The following CEP120 variants were observed in gnomAD, a reference collection of about 807,000 sequenced individuals.
CEP120 encodes the protein centrosomal protein 120.
Under a neutral mutation model 126.5 loss-of-function variants are expected in CEP120, and 113 were observed. The ratio of observed to expected loss-of-function variants is 0.89; its 90% confidence interval spans 0.77 to 1.04. CEP120 has a LOEUF of 1.04. CEP120 is among the 50% of genes least tolerant of loss of function. CEP120 has a pLI of 0.00. For missense variants in CEP120, 1,230 were observed against 1,155.7 expected, an observed-to-expected ratio of 1.06 and a Z score of -0.93; for synonymous variants, 400 against 394.3, an observed-to-expected ratio of 1.01 and a Z score of -0.17.
intron 18 of CEP120, among the ~76,000 whole-genome samples, chr5:123,352,607 G>A (rs1769266332): frequency 6.6e-6 from 1 of 151,928 alleles, no homozygotes; most frequent in African/African-American, 2.4e-5. Flanking sequence ...TTGTAACAAT[G>A]TCTCAATATA....
intron 17 of CEP120, among the ~76,000 whole-genome samples, chr5:123,368,674 G>A (rs1770640322): frequency 6.6e-6 from 1 of 151,834 alleles, no homozygotes; most frequent in Non-Finnish European, 1.5e-5. Flanking sequence ...GACATTCTGG[G>A]ATATCTTGAA....
intron 1 of CEP120, 48 bp downstream of exon 1, chr5:123,422,902 T>C: frequency 6.4e-7 from 1 of 1,572,462 alleles, no homozygotes. Flanking sequence ...ACTAAGCTTT[T>C]AAAACTCGGG....
chr5:123,398,330 C>T (rs1249438723), intron 5 of CEP120, among the ~76,000 whole-genome samples: 3 of 152,106 alleles, frequency 2.0e-5, no homozygotes, highest in African/African-American at 7.2e-5. Context: ...CTACCATGAG[C>T]CCTGAGCATC....
intron 16 of CEP120, among the ~76,000 whole-genome samples, chr5:123,374,365 G>C (rs1771058492): frequency 6.6e-6 from 1 of 152,094 alleles, no homozygotes; most frequent in African/African-American, 2.4e-5. Flanking sequence ...CATTAAAGCA[G>C]TCAATACTTC....
chr5:123,388,391 C>T, intron 9 of CEP120, 41 bp downstream of exon 9: 1 of 1,358,618 alleles, frequency 7.4e-7, no homozygotes, highest in South Asian at 1.7e-5. Flanking sequence ...AAAGTCCTTT[C>T]TCTTCAGAAA....
At chr5:123,352,090 T>G (rs1190223514) in intron 18 of CEP120, among the ~76,000 whole-genome samples, 1 of 152,134 alleles carries the variant, frequency 6.6e-6, no homozygotes, top group Non-Finnish European at 1.5e-5. Flanking sequence ...TTAATGACAT[T>G]TAGGTATCTT....
At chr5:123,423,614 C>T (rs1004079675), upstream of CEP120, 6 of 152,198 alleles carry the variant, frequency 3.9e-5, no homozygotes, top group African/African-American at 1.5e-4. Flanking sequence ...GCTGCGTAGC[C>T]TTTAAGGAGC....
intron 4 of CEP120, chr5:123,401,451 C>T (rs1368492594): frequency 3.1e-6 from 4 of 1,304,824 alleles, no homozygotes; most frequent in Non-Finnish European, 4.4e-6. Context: ...CGCAGGTTAT[C>T]CCCATGCTTC....
At position 123,407,784 on chromosome 5, in the gene CEP120, C is replaced by T. The variant is rs148757231; in HGVS notation, c.463+4615G>A. Among the ~76,000 whole-genome samples the T allele has an allele frequency of 1.5e-3, 234 of 152,256 alleles. 3 individuals are homozygous for T. The highest frequency in any genetic ancestry group is 5.2e-3 in the African/African-American group (215 of 41,566). ...AGAATACACATTCTTCTCAAGCTTA[C>T]GTAGAAAGTTCACCAAGACAGAGCA... On this transcript the variant is annotated intron_variant, in intron 4 of 19. Coordinates refer to ENST00000306467, the MANE Select transcript of CEP120 (RefSeq NM_001375405.1).
intron 8 of CEP120, 145 bp downstream of exon 8, chr5:123,389,779 C>G: frequency 1.5e-6 from 1 of 683,722 alleles, no homozygotes; most frequent in South Asian, 1.9e-5. Context: ...GGATTACAGG[C>G]GTGAGCCACC....
chr5:123,346,601 A>G lies in CEP120; in HGVS notation c.2879T>C (p.Val960Ala). The change falls in exon 20 of 20, where the codon GTG (valine) becomes GCG (alanine). Residue 960 changes from valine (V) to alanine (A), a missense_variant. Transcript: ENST00000306467. ...TATTATTCGATCCTCGTGATTATAC[A>G]CACCCGTTCTCATCAAAGTATCCCT... Reference protein sequence around the residue: ...EERDTLMRTGVYNHEDRIISE... With the variant: ...EERDTLMRTGAYNHEDRIISE... 1.2e-6 allele frequency: 2 copies of G among 1,613,944 alleles called. No homozygotes were observed. Among genetic ancestry groups the G allele is most frequent in the Non-Finnish European group, 1.7e-6 (2 of 1,179,950 alleles).
In CEP120 at chr5:123,393,280, C is replaced by T. The variant is rs1562059734; in HGVS notation, c.810+20G>A. ...TTAAAAGACCACCTCCAGCTAAAAA[C>T]GATTTGCTGCAATACTCACCTGCAG... On this transcript the variant is annotated intron_variant, in intron 6 of 19. Coordinates refer to ENST00000306467, the MANE Select transcript of CEP120 (RefSeq NM_001375405.1). The T allele has an allele frequency of 1.1e-5, 18 of 1,611,952 alleles. No homozygotes were observed. Among genetic ancestry groups the T allele is most frequent in the Admixed American group, 5.0e-5 (3 of 59,788 alleles).
At position 123,412,522 on chromosome 5, in the gene CEP120, A is replaced by G. The variant is rs199922403; in HGVS notation, c.340T>C (p.Leu114=). 1.9e-4 allele frequency: 307 copies of G among 1,602,256 alleles called. No individual in the cohort carries two copies. The highest frequency in any genetic ancestry group is 3.0e-4 in the Admixed American group (17 of 57,390). The change falls in exon 4 of 20, where the codon TTG becomes CTG. Residue 114 remains leucine, a synonymous_variant. Transcript: ENST00000306467. ...AATTTGGTGTATTTATTACTCAGCA[A>G]CTGGTACCATTTTGGTGCCTAGAGA... ...ETKQAPKWYQ[L]LSNKYTKFKS... is the part of the protein sequence containing the mutation.
intron 11 of CEP120, among the ~76,000 whole-genome samples, chr5:123,384,678 G>C (rs1461260332): frequency 6.6e-6 from 1 of 152,126 alleles, no homozygotes; most frequent in Non-Finnish European, 1.5e-5. Flanking sequence ...AAGCTAGAGA[G>C]AGGAAGGAAA....
At chr5:123,415,944 C>A in intron 3 of CEP120, 66 bp downstream of exon 3, 1 of 1,030,782 alleles carries the variant, frequency 9.7e-7, no homozygotes. Context: ...TTTCATCAAT[C>A]TGTTATCTAC....
In CEP120 at chr5:123,345,640, T is replaced by A. The variant is rs564029040; in HGVS notation, c.*879A>T. On this transcript the variant is annotated 3_prime_UTR_variant, in exon 20 of 20. Coordinates refer to ENST00000306467, the MANE Select transcript of CEP120 (RefSeq NM_001375405.1). ...GCATAAATCCAATGAGTGAATCTCG[T>A]GCGCTTTTGAAAACGATTGATTGAA... 6.6e-6 allele frequency: 1 copy of A among 152,156 alleles called. No homozygotes were observed. Among genetic ancestry groups the A allele is most frequent in the Non-Finnish European group, 1.5e-5 (1 of 68,026 alleles). The allele number at this position is 152,156 out of a possible 1,614,324, so 9.4% of individuals were successfully genotyped here. A position where few individuals can be genotyped will look rare whatever the true frequency, so the allele number is the denominator to read the frequency against.
chr5:123,388,575 C>A lies in CEP120; in HGVS notation c.1287G>T (p.Gln429His). 6.3e-7 allele frequency: 1 copy of A among 1,597,368 alleles called. No homozygotes were observed. The highest frequency in any genetic ancestry group is 8.5e-7 in the Non-Finnish European group (1 of 1,174,562). ...ASSSVPASLAQLVTTSNASEV... is the reference protein window; with the variant it reads ...ASSSVPASLAHLVTTSNASEV... Reference sequence around the variant, plus strand: ...CTGAAGCATTGGATGTAGTCACTAGCTGGGCCAGTGAAGCAGGTACAGAAG... The same window carrying A: ...CTGAAGCATTGGATGTAGTCACTAGATGGGCCAGTGAAGCAGGTACAGAAG... The change falls in exon 9 of 20, where the codon CAG (glutamine) becomes CAT (histidine). Residue 429 changes from glutamine to histidine, a missense_variant. Coordinates refer to ENST00000306467, the MANE Select transcript of CEP120 (RefSeq NM_001375405.1).
chr5:123,419,441 G>A (rs1774575891), intron 1 of CEP120, among the ~76,000 whole-genome samples: 1 of 151,894 alleles, frequency 6.6e-6, no homozygotes. Context: ...CAGCTACTCG[G>A]GAGGCTGAGG....
intron 18 of CEP120, among the ~76,000 whole-genome samples, chr5:123,359,865 A>C (rs943040652): frequency 6.6e-6 from 1 of 152,002 alleles, no homozygotes; most frequent in Non-Finnish European, 1.5e-5. Context: ...AGTAATGGAA[A>C]TCTCTGTTTA....
Sources: gnomAD v4.1 joint callset for allele counts (sites outside exome capture counted in the v4.1 genomes callset) on GRCh38, gnomAD v4.1.1 for gene constraint, MANE v1.5 for transcripts, NCBI Gene and HGNC (gene_info 2026-07-23, HGNC 2026-07-21) for gene names.